Variants in TOM1L2 observed in about 807,000 individuals in gnomAD.
TOM1L2 encodes TOM1-like protein 2.
Under a neutral mutation model 67.9 loss-of-function variants are expected in TOM1L2, and 31 were observed. That is an observed-to-expected ratio of 0.46 (90% CI 0.34 to 0.62). TOM1L2 has a LOEUF of 0.62. TOM1L2 is among the 20% of genes least tolerant of loss of function. The pLI, the probability that TOM1L2 is intolerant of heterozygous loss-of-function variation, is 0.01. For missense variants in TOM1L2, 606 were observed against 663.5 expected (o/e 0.91, Z 0.95); for synonymous variants, 256 against 254.0 (o/e 1.01, Z -0.07).
intron 1 of TOM1L2, among the ~76,000 whole-genome samples, chr17:17,933,152 C>A (rs2040399229): frequency 6.6e-6 from 1 of 152,136 alleles, no homozygotes; most frequent in Non-Finnish European, 1.5e-5. Context: ...AACTTTTTGT[C>A]TTCTTCCTCT....
intron 1 of TOM1L2, among the ~76,000 whole-genome samples, chr17:17,921,796 T>G (rs540498237): frequency 1.3e-5 from 2 of 152,288 alleles, no homozygotes; most frequent in East Asian, 3.9e-4. Flanking sequence ...CCTCTCGGCC[T>G]CTTCGTGCAG....
At chr17:17,957,307 A>G (rs1206119174) in intron 1 of TOM1L2, among the ~76,000 whole-genome samples, 4 of 152,228 alleles carry the variant, frequency 2.6e-5, no homozygotes, top group African/African-American at 9.7e-5. Flanking sequence ...GCAGGTAGAG[A>G]AAACAATGCA....
intron 1 of TOM1L2, among the ~76,000 whole-genome samples, chr17:17,938,310 G>T (rs1312542279): frequency 1.3e-5 from 2 of 152,202 alleles, no homozygotes; most frequent in African/African-American, 4.8e-5. Flanking sequence ...TCTAGAAGGG[G>T]TGCCTGCTGT....
intron 4 of TOM1L2, among the ~76,000 whole-genome samples, chr17:17,892,053 T>C (rs2038314735): frequency 1.3e-5 from 2 of 152,136 alleles, no homozygotes; most frequent in African/African-American, 2.4e-5. Flanking sequence ...AAAGAAATGT[T>C]AGCAAAGCCA....
At chr17:17,933,871 A>T (rs2040422227) in intron 1 of TOM1L2, among the ~76,000 whole-genome samples, 1 of 152,200 alleles carries the variant, frequency 6.6e-6, no homozygotes, top group Non-Finnish European at 1.5e-5. Context: ...AAAGATGATG[A>T]TCTGCCACCC....
At chr17:17,857,846 A>G (rs993849636) in intron 12 of TOM1L2, 12 of 1,535,532 alleles carry the variant, frequency 7.8e-6, no homozygotes, top group Non-Finnish European at 1.0e-5. Context: ...TGGGCCGAGG[A>G]CAGAAAAGTC....
At chr17:17,953,895 T>C (rs377510045) in intron 1 of TOM1L2, among the ~76,000 whole-genome samples, 1 of 152,220 alleles carries the variant, frequency 6.6e-6, no homozygotes, top group Non-Finnish European at 1.5e-5. Flanking sequence ...TGCCTCTTCT[T>C]CCAAGTCACA....
At chr17:17,934,265 T>C (rs1237758652) in intron 1 of TOM1L2, among the ~76,000 whole-genome samples, 1 of 152,180 alleles carries the variant, frequency 6.6e-6, no homozygotes, top group Non-Finnish European at 1.5e-5. Flanking sequence ...GGCAACATAG[T>C]GAGACTTTGT....
chr17:17,963,448 C>G (rs1189310973), intron 1 of TOM1L2, among the ~76,000 whole-genome samples: 1 of 152,202 alleles, frequency 6.6e-6, no homozygotes, highest in African/African-American at 2.4e-5. Flanking sequence ...AGCTAGAGCC[C>G]CTGGCTGGAG....
At chr17:17,870,829 A>T (rs1426490049) in intron 7 of TOM1L2, among the ~76,000 whole-genome samples, 1 of 152,182 alleles carries the variant, frequency 6.6e-6, no homozygotes, top group East Asian at 1.9e-4. Context: ...ACAGTGAAAA[A>T]GCCCAGTAAT....
intron 8 of TOM1L2, chr17:17,868,823 T>G (rs1187922563): frequency 6.4e-6 from 1 of 157,106 alleles, no homozygotes; most frequent in Admixed American, 6.1e-5. Flanking sequence ...AGCAGCAGCA[T>G]TCCGGCACTT....
At chr17:17,858,002 C>G in intron 12 of TOM1L2, 1 of 675,452 alleles carries the variant, frequency 1.5e-6, no homozygotes, top group South Asian at 1.9e-5. Context: ...AGCACGTCCC[C>G]CTTACCTGCC....
chr17:17,882,731 C>A lies in TOM1L2; in HGVS notation c.634G>T (p.Gly212Cys). ...APQAPALSVT[G>C]PITANSEQIA... is the part of the protein sequence containing the mutation. Reference sequence around the variant, plus strand: ...TGTTCTGAATTGGCTGTGATGGGGCCAGTCACACTCAGAGCTGGGGCCTGC... The same window carrying A: ...TGTTCTGAATTGGCTGTGATGGGGCAAGTCACACTCAGAGCTGGGGCCTGC... Residue 212 changes from glycine (G) to cysteine (C), a missense_variant, in exon 6 of 15, where the codon GGC becomes TGC. By Grantham distance (159) the Gly-to-Cys change is radical. Transcript: ENST00000379504. 6.2e-7 allele frequency: 1 copy of A among 1,614,190 alleles called. No individual in the cohort carries two copies. The highest frequency in any genetic ancestry group is 8.5e-7 in the Non-Finnish European group (1 of 1,180,022).
intron 1 of TOM1L2, among the ~76,000 whole-genome samples, chr17:17,961,674 C>T (rs953963841): frequency 2.6e-5 from 4 of 152,032 alleles, no homozygotes; most frequent in Non-Finnish European, 5.9e-5. Context: ...GAGATCGAGA[C>T]CATCCTGGCT....
At chr17:17,886,537 T>A (rs2038010770) in intron 4 of TOM1L2, among the ~76,000 whole-genome samples, 1 of 152,248 alleles carries the variant, frequency 6.6e-6, no homozygotes, top group African/African-American at 2.4e-5. Context: ...AACCTCAAAA[T>A]GCCCTAGCAT....
chr17:17,966,138 AAAAC>A (rs1425711244), intron 1 of TOM1L2, among the ~76,000 whole-genome samples: 6 of 152,144 alleles, frequency 3.9e-5, no homozygotes, highest in African/African-American at 7.2e-5. Context: ...AAGAAACAAA[AAAAC>A]AAACAAAAAA....
intron 1 of TOM1L2, among the ~76,000 whole-genome samples, chr17:17,934,774 A>G (rs1469428922): frequency 6.6e-6 from 1 of 152,238 alleles, no homozygotes; most frequent in African/African-American, 2.4e-5. Context: ...CAAGGGCATG[A>G]CTGTGTATGC....
At chr17:17,942,184 C>A (rs2040760899) in intron 1 of TOM1L2, among the ~76,000 whole-genome samples, 1 of 152,230 alleles carries the variant, frequency 6.6e-6, no homozygotes, top group African/African-American at 2.4e-5. Flanking sequence ...AAAACCAGCA[C>A]TAGCTGAAAA....
chr17:17,852,864 T>TAAAAAAA (rs552138706), intron 12 of TOM1L2, among the ~76,000 whole-genome samples: 1 of 37,728 alleles, frequency 2.7e-5, no homozygotes. Flanking sequence ...AAACTCTGTC[T>TAAAAAAA]AAAAAAAAAA....
Sources: allele counts gnomAD v4.1 joint callset (sites outside exome capture counted in the v4.1 genomes callset), GRCh38; gene constraint gnomAD v4.1.1; transcripts MANE v1.5; gene names NCBI Gene and HGNC (gene_info 2026-07-23, HGNC 2026-07-21).